CD1B: variants seen among roughly 807,000 people sequenced by gnomAD.
CD1B encodes T-cell surface glycoprotein CD1b.
Under a neutral mutation model 39.8 loss-of-function variants are expected in CD1B, and 43 were observed. The observed-to-expected ratio is 1.08, with a 90% CI of 0.85 to 1.39. CD1B has a LOEUF of 1.39. Ranked by LOEUF, CD1B falls within the 40% of genes most tolerant of loss-of-function variation. The probability of loss-of-function intolerance (pLI) is 0.00; values close to 1 mark genes in which losing one functional copy is unlikely to be tolerated. For missense variants in CD1B, 495 were observed against 403.8 expected (o/e 1.23, Z -1.94); for synonymous variants, 192 against 152.5 (o/e 1.26, Z -1.91).
chr1:158,315,652 T>C, the CD1B span, among the ~76,000 whole-genome samples: 4 of 151,708 alleles, frequency 2.6e-5, no homozygotes. Context: ...GCAGAAGCTC[T>C]TTAGTTTAAT....
chr1:158,293,719 C>A, the CD1B span: 1 of 857,192 alleles, frequency 1.2e-6, no homozygotes, highest in Non-Finnish European at 1.8e-6. Context: ...CTTCCTTGAC[C>A]CATACTGAAC....
At chr1:158,324,868 G>A (rs953967098), downstream of CD1B, among the ~76,000 whole-genome samples, 3 of 152,222 alleles carry the variant, frequency 2.0e-5, no homozygotes, top group African/African-American at 7.2e-5. Context: ...TGGAGCTCAG[G>A]AAGAATTGAC....
chr1:158,322,716 TG>T, the CD1B span, among the ~76,000 whole-genome samples: 2 of 152,214 alleles, frequency 1.3e-5, no homozygotes, highest in African/African-American at 4.8e-5. Context: ...GGCTTTTGTT[TG>T]TCTGGAAGAG....
At chr1:158,312,495 A>T in the CD1B span, among the ~76,000 whole-genome samples, 5 of 152,148 alleles carry the variant, frequency 3.3e-5, no homozygotes, top group Non-Finnish European at 7.4e-5. Flanking sequence ...ACTAGTACAA[A>T]ATACCTTTCC....
chr1:158,306,712 G>T, the CD1B span, among the ~76,000 whole-genome samples: 1 of 152,160 alleles, frequency 6.6e-6, no homozygotes, highest in Non-Finnish European at 1.5e-5. Context: ...TAAAAGAACA[G>T]AAATTATAAC....
chr1:158,293,564 C>T, the CD1B span: 64 of 1,613,840 alleles, frequency 4.0e-5, 1 homozygote, highest in East Asian at 5.3e-4. Context: ...CGTCGACTCT[C>T]CATTTAAATT....
At chr1:158,318,017 G>A in the CD1B span, among the ~76,000 whole-genome samples, 1 of 152,156 alleles carries the variant, frequency 6.6e-6, no homozygotes, top group Non-Finnish European at 1.5e-5. Context: ...ATTGCACTGT[G>A]GTCTGAGAGA....
chr1:158,315,023 A>G, the CD1B span, among the ~76,000 whole-genome samples: 2 of 146,502 alleles, frequency 1.4e-5, no homozygotes, highest in African/African-American at 5.2e-5. Context: ...TCCATGGTGT[A>G]TATATGCCAC....
At chr1:158,292,035 T>C in the CD1B span, 1 of 1,558,768 alleles carries the variant, frequency 6.4e-7, no homozygotes, top group African/African-American at 1.4e-5. Context: ...TATACTGTTG[T>C]TTTCACTTTT....
the CD1B span, chr1:158,292,081 C>T: frequency 1.2e-6 from 2 of 1,610,770 alleles, no homozygotes; most frequent in Non-Finnish European, 1.7e-6. Context: ...TCCCTTCCTC[C>T]AGATCCCTTT....
At chr1:158,315,187 G>A in the CD1B span, among the ~76,000 whole-genome samples, 5 of 152,092 alleles carry the variant, frequency 3.3e-5, no homozygotes, top group Non-Finnish European at 4.4e-5. Context: ...TGGGATGGCT[G>A]GGTCAAATGG....
chr1:158,315,553 A>G, the CD1B span, among the ~76,000 whole-genome samples: 1 of 151,694 alleles, frequency 6.6e-6, no homozygotes, highest in Non-Finnish European at 1.5e-5. Context: ...GATTCTCGAT[A>G]TTAGCCCTTT....
chr1:158,302,983 A>G, the CD1B span, among the ~76,000 whole-genome samples: 2 of 152,134 alleles, frequency 1.3e-5, no homozygotes, highest in Non-Finnish European at 2.9e-5. Context: ...ACAATAAAAA[A>G]AGAAAACATT....
At chr1:158,299,046 A>G in the CD1B span, among the ~76,000 whole-genome samples, 1 of 152,120 alleles carries the variant, frequency 6.6e-6, no homozygotes, top group Admixed American at 6.5e-5. Context: ...GACTTCCAAT[A>G]CTATGTTGAA....
chr1:158,297,990 T>C, the CD1B span, among the ~76,000 whole-genome samples: 2 of 150,850 alleles, frequency 1.3e-5, no homozygotes. Flanking sequence ...GTAAGTTATC[T>C]TCAAGAGACC....
At position 158,329,000 on chromosome 1, in the gene CD1B, T is replaced by C. The variant is rs919864993; in HGVS notation, c.901A>G (p.Ile301Val). ...IILYWRNPTS[I>V]GSIVLAIIVP... ...ATTATTGCCAAAACAATTGAGCCAA[T>C]GGAGGTGGGGTTTCCTGGCAATTGA... The change falls in exon 5 of 6, where the codon ATT becomes GTT. Residue 301 changes from isoleucine to valine, a missense_variant. Ile to Val is a conservative substitution (Grantham distance 29). Coordinates refer to ENST00000368168, the MANE Select transcript of CD1B (RefSeq NM_001764.3). The C allele has an allele frequency of 6.2e-7, 1 of 1,613,686 alleles. No individual in the cohort carries two copies. The highest frequency in any genetic ancestry group is 8.5e-7 in the Non-Finnish European group (1 of 1,179,812).
the CD1B span, among the ~76,000 whole-genome samples, chr1:158,303,081 G>A: frequency 6.6e-6 from 1 of 152,190 alleles, no homozygotes; most frequent in African/African-American, 2.4e-5. Context: ...AAGCTAATCT[G>A]CTATTATCAA....
chr1:158,303,324 G>A, the CD1B span, among the ~76,000 whole-genome samples: 21 of 152,224 alleles, frequency 1.4e-4, no homozygotes, highest in Admixed American at 5.2e-4. Flanking sequence ...AGCCAACAAC[G>A]TACTGAATAA....
At chr1:158,295,439 G>A in the CD1B span, among the ~76,000 whole-genome samples, 1 of 152,052 alleles carries the variant, frequency 6.6e-6, no homozygotes, top group Non-Finnish European at 1.5e-5. Flanking sequence ...AGACCCCCAC[G>A]ACCCACACAG....
Sources: gnomAD v4.1 joint callset for allele counts (sites outside exome capture counted in the v4.1 genomes callset) on GRCh38, gnomAD v4.1.1 for gene constraint, MANE v1.5 for transcripts, NCBI Gene and HGNC (gene_info 2026-07-23, HGNC 2026-07-21) for gene names.